RGL1: variants seen among roughly 807,000 people sequenced by gnomAD.
RGL1 encodes the protein ral guanine nucleotide dissociation stimulator like 1.
A neutral mutation model predicts 95.2 loss-of-function variants in RGL1; 24 were observed. The observed-to-expected ratio is 0.25, with a 90% CI of 0.18 to 0.35. The LOEUF (loss-of-function observed/expected upper bound fraction) is 0.35. Among genes scored for constraint, RGL1 ranks in the 10% least tolerant of loss-of-function variants. The probability of loss-of-function intolerance (pLI) is 1.00; values close to 1 mark genes in which losing one functional copy is unlikely to be tolerated. For missense variants in RGL1, 715 were observed against 936.3 expected (o/e 0.76, Z 3.08); for synonymous variants, 329 against 344.9 (o/e 0.95, Z 0.51).
At chr1:183,799,627 C>T (rs889431904) in intron 2 of RGL1, among the ~76,000 whole-genome samples, 3 of 152,124 alleles carry the variant, frequency 2.0e-5, no homozygotes, top group African/African-American at 7.2e-5. Context: ...TGTTCAAGTC[C>T]CCTGTCTCAT....
intron 2 of RGL1, among the ~76,000 whole-genome samples, chr1:183,823,767 A>T (rs1431128838): frequency 2.0e-5 from 3 of 152,114 alleles, no homozygotes; most frequent in Non-Finnish European, 4.4e-5. Context: ...TCAGAGAAGG[A>T]TGGAAAGTTA....
chr1:183,866,266 G>A (rs750500592), intron 4 of RGL1, among the ~76,000 whole-genome samples, 193 bp downstream of exon 4: 8 of 152,070 alleles, frequency 5.3e-5, no homozygotes, highest in Admixed American at 6.5e-5. Context: ...ACCACTGTCT[G>A]CCAGGCATTG....
intron 4 of RGL1, among the ~76,000 whole-genome samples, chr1:183,867,193 A>G (rs189900747): frequency 1.3e-5 from 2 of 152,328 alleles, no homozygotes; most frequent in Admixed American, 1.3e-4. Flanking sequence ...ATTTAAAGCT[A>G]TGAGACTGAA....
intron 2 of RGL1, among the ~76,000 whole-genome samples, chr1:183,764,434 G>A (rs999312047): frequency 1.1e-4 from 16 of 152,182 alleles, no homozygotes; most frequent in African/African-American, 3.6e-4. Context: ...TCCAGATGTG[G>A]TGATCTGGTA....
chr1:183,900,280 A>G (rs1272604485), intron 11 of RGL1, 44 bp downstream of exon 11: 1 of 1,461,822 alleles, frequency 6.8e-7, no homozygotes, highest in Non-Finnish European at 9.6e-7. Context: ...CAGCCTTCCC[A>G]CTGGATACCC....
At chr1:183,906,659 A>T (rs1231418819) in intron 13 of RGL1, among the ~76,000 whole-genome samples, 1 of 152,196 alleles carries the variant, frequency 6.6e-6, no homozygotes, top group Non-Finnish European at 1.5e-5. Flanking sequence ...AGGGGGAGGT[A>T]GTAGAGGAAG....
At chr1:183,709,267 A>G (rs2102168553) in intron 1 of RGL1, 1 of 152,294 alleles carries the variant, frequency 6.6e-6, no homozygotes, top group South Asian at 2.1e-4. Flanking sequence ...TCACCCCCTC[A>G]CCCTCTTCCC....
intron 1 of RGL1, among the ~76,000 whole-genome samples, chr1:183,673,201 T>C (rs181670989): frequency 2.6e-3 from 397 of 152,344 alleles, no homozygotes; most frequent in Middle Eastern, 6.8e-3. Context: ...TGAGAACCAT[T>C]GCTCTAGAGA....
intron 1 of RGL1, among the ~76,000 whole-genome samples, chr1:183,697,573 C>T (rs1364729994): frequency 6.6e-6 from 1 of 152,270 alleles, no homozygotes; most frequent in Middle Eastern, 3.4e-3. Context: ...TTTAAATTCT[C>T]CTTGTATTGC....
chr1:183,856,734 A>T lies in RGL1; in HGVS notation c.347+8960A>T, dbSNP rs1209480448. Among the ~76,000 whole-genome samples the T allele has an allele frequency of 3.9e-5, 6 of 151,950 alleles. No individual in the cohort carries two copies. In the East Asian group the frequency reaches 9.6e-4, roughly 24 times the overall value. ...CTTATTTCCTGCAACTATGAGAAAC[A>T]TGACACTATTGGTTGGTAGAAGAGA... On this transcript the variant is annotated intron_variant, in intron 3 of 17. Transcript: ENST00000360851.
chr1:183,841,884 C>A (rs1369089860), intron 2 of RGL1, among the ~76,000 whole-genome samples: 1 of 152,056 alleles, frequency 6.6e-6, no homozygotes, highest in African/African-American at 2.4e-5. Flanking sequence ...ATGCTTATTG[C>A]AGTGTTTTGC....
chr1:183,868,416 C>G (rs748869420), intron 4 of RGL1, among the ~76,000 whole-genome samples: 1 of 152,168 alleles, frequency 6.6e-6, no homozygotes, highest in Non-Finnish European at 1.5e-5. Flanking sequence ...ATGGGTTAGA[C>G]ATAGAGCCTT....
intron 1 of RGL1, among the ~76,000 whole-genome samples, chr1:183,700,883 G>C (rs1654555005): frequency 6.6e-6 from 1 of 151,996 alleles, no homozygotes; most frequent in Non-Finnish European, 1.5e-5. Flanking sequence ...TTAGATATTT[G>C]TCCTAATGCT....
intron 1 of RGL1, among the ~76,000 whole-genome samples, chr1:183,640,728 A>C (rs1018125526): frequency 1.3e-5 from 2 of 152,180 alleles, no homozygotes; most frequent in Non-Finnish European, 2.9e-5. Context: ...ACACTGTATA[A>C]TATTTGAGGT....
At chr1:183,858,040 A>G (rs1665266381) in intron 3 of RGL1, among the ~76,000 whole-genome samples, 1 of 152,202 alleles carries the variant, frequency 6.6e-6, no homozygotes, top group South Asian at 2.1e-4. Context: ...TTCACTTGGC[A>G]AAGGGAGGCA....
At chr1:183,799,781 C>T (rs529819562) in intron 2 of RGL1, among the ~76,000 whole-genome samples, 2 of 152,280 alleles carry the variant, frequency 1.3e-5, no homozygotes, top group East Asian at 1.9e-4. Flanking sequence ...ATTATACTTT[C>T]ACTGTCCTTA....
chr1:183,906,242 C>A (rs1668313320), intron 13 of RGL1, among the ~76,000 whole-genome samples: 1 of 152,214 alleles, frequency 6.6e-6, no homozygotes, highest in Admixed American at 6.5e-5. Flanking sequence ...GCACCCTTCC[C>A]CACCTACTCA....
chr1:183,881,627 G>A (rs1300712211), intron 5 of RGL1, among the ~76,000 whole-genome samples: 1 of 152,194 alleles, frequency 6.6e-6, no homozygotes, highest in Non-Finnish European at 1.5e-5. Flanking sequence ...AGGGATGCCT[G>A]ACTTCATCAG....
At chr1:183,701,885 T>C (rs895691731) in intron 1 of RGL1, among the ~76,000 whole-genome samples, 1 of 152,160 alleles carries the variant, frequency 6.6e-6, no homozygotes, top group African/African-American at 2.4e-5. Flanking sequence ...TGCAGTGAGC[T>C]GAGATTGCAC....
Sources: gnomAD v4.1 joint callset for allele counts (sites outside exome capture counted in the v4.1 genomes callset) on GRCh38, gnomAD v4.1.1 for gene constraint, MANE v1.5 for transcripts, NCBI Gene and HGNC (gene_info 2026-07-23, HGNC 2026-07-21) for gene names.